CDKL4: variants seen among roughly 807,000 people sequenced by gnomAD.
The protein encoded by CDKL4 is cyclin-dependent kinase-like 4.
Under a neutral mutation model 42.0 loss-of-function variants are expected in CDKL4, and 44 were observed. The ratio of observed to expected loss-of-function variants is 1.05; its 90% CI spans 0.82 to 1.35. CDKL4 has a LOEUF of 1.35. Among genes scored for constraint, CDKL4 ranks in the 40% most tolerant of loss-of-function variants. CDKL4 has a pLI of 0.00. For synonymous variants in CDKL4, 120 were observed against 121.6 expected, an observed-to-expected ratio of 0.99 and a Z score of 0.09; for missense variants, 393 against 369.9, an observed-to-expected ratio of 1.06 and a Z score of -0.51.
intron 3 of CDKL4, among the ~76,000 whole-genome samples, chr2:39,221,242 C>T (rs1327341350): frequency 6.6e-6 from 1 of 150,550 alleles, no homozygotes; most frequent in South Asian, 2.1e-4. Flanking sequence ...CTCTTGATCT[C>T]GTGACCTTGT....
chr2:39,226,930 C>T (rs541499296), intron 2 of CDKL4, among the ~76,000 whole-genome samples: 2 of 152,252 alleles, frequency 1.3e-5, no homozygotes, highest in Admixed American at 6.5e-5. Flanking sequence ...CCACGCCTGG[C>T]TAATTTTTGT....
rs898013169 is a variant in CDKL4, at chr2:39,190,365, G to A, written c.592C>T (p.Gln198Ter). The A allele has an allele frequency of 1.9e-6, 3 of 1,614,082 alleles. No homozygotes were observed. Among genetic ancestry groups the A allele is most frequent in the East Asian group, 2.2e-5 (1 of 44,892 alleles). Residue 198 changes from glutamine (Q) to a stop codon, truncating the protein, a stop_gained, in exon 6 of 10, where the codon CAG (glutamine) becomes TAG (stop). Transcript: ENST00000451199. LOFTEE classifies it high-confidence loss of function. Reference sequence around the variant, plus strand: ...TCTGATTTTCCAGGCCACAGTGGCTGGCCTGTCAGGAGCTCTGCAAAAACA... The same window carrying A: ...TCTGATTTTCCAGGCCACAGTGGCTAGCCTGTCAGGAGCTCTGCAAAAACA...
rs918272013 is a variant in CDKL4, at chr2:39,233,554, T to C, written c.-56-3966A>G. ...AAAAAGTGTCATCAATGAAAGAAACTGCATTTTACTACAGTGACAGAAAAC... is the reference window on the plus strand; with the variant it reads ...AAAAAGTGTCATCAATGAAAGAAACCGCATTTTACTACAGTGACAGAAAAC... On this transcript the variant is annotated intron_variant, in intron 1 of 9. Coordinates refer to ENST00000451199, the Ensembl canonical transcript of CDKL4. 5.3e-4 allele frequency among the ~76,000 whole-genome samples: 80 copies of C among 152,222 alleles called. 2 individuals carry two copies. Among genetic ancestry groups the C allele is most frequent in the Non-Finnish European group, 7.1e-4 (48 of 68,008 alleles).
chr2:39,225,870 G>C (rs1170974218), exon 3 of CDKL4: 1 of 1,608,734 alleles, frequency 6.2e-7, no homozygotes, highest in Non-Finnish European at 8.5e-7. Context: ...TCATTTAAAA[G>C]TGTATGATCA....
rs1300600889 is a variant in CDKL4, at chr2:39,185,320, ATATATACACATATG to A, written c.736-687_736-674del. ...TATATACACATATGTATATATACAT[ATATATACACATATG>A]TATATATATACACATATGTATATAT... On this transcript the variant is annotated intron_variant, in intron 7 of 9. Transcript: ENST00000451199. 1.6e-4 allele frequency among the ~76,000 whole-genome samples: 16 copies of A among 99,642 alleles called. 1 individual carries two copies. Among genetic ancestry groups the A allele is most frequent in the Admixed American group, 3.5e-4 (3 of 8,554 alleles). The allele number at this position is 99,642 out of a possible 152,430, so 65.4% of individuals were successfully genotyped here. A position where few individuals can be genotyped will look rare whatever the true frequency, so the allele number is the denominator to read the frequency against.
At chr2:39,208,606 G>C (rs962377493) in intron 4 of CDKL4, among the ~76,000 whole-genome samples, 1 of 151,884 alleles carries the variant, frequency 6.6e-6, no homozygotes, top group South Asian at 2.1e-4. Context: ...GCCTCCCAAA[G>C]TGCTGGGATT....
intron 1 of CDKL4, among the ~76,000 whole-genome samples, chr2:39,240,183 G>A (rs1042154702): frequency 6.6e-6 from 1 of 151,924 alleles, no homozygotes; most frequent in African/African-American, 2.4e-5. Flanking sequence ...GCCGAGACAG[G>A]CGAATCACCT....
chr2:39,170,582 G>T, the CDKL4 span, among the ~76,000 whole-genome samples: 1 of 151,756 alleles, frequency 6.6e-6, no homozygotes, highest in African/African-American at 2.4e-5. Context: ...TCAGCCTCCC[G>T]AGTAGCTGGG....
chr2:39,204,139 T>C (rs1405161702), intron 5 of CDKL4, among the ~76,000 whole-genome samples: 1 of 152,208 alleles, frequency 6.6e-6, no homozygotes, highest in Non-Finnish European at 1.5e-5. Flanking sequence ...TCTGTGAAGT[T>C]TTTTTCAACC....
At chr2:39,196,267 T>G (rs1408327689) in intron 5 of CDKL4, among the ~76,000 whole-genome samples, 3 of 152,206 alleles carry the variant, frequency 2.0e-5, no homozygotes, top group East Asian at 3.8e-4. Context: ...AGAGTCCACT[T>G]CACTCCCCTG....
At chr2:39,237,300 C>T (rs999747501) in intron 1 of CDKL4, among the ~76,000 whole-genome samples, 2 of 152,022 alleles carry the variant, frequency 1.3e-5, no homozygotes, top group Non-Finnish European at 2.9e-5. Context: ...AAAAGAAAAA[C>T]ATCACATGAT....
chr2:39,206,526 G>C (rs1677203290), intron 4 of CDKL4, among the ~76,000 whole-genome samples: 1 of 152,184 alleles, frequency 6.6e-6, no homozygotes, highest in African/African-American at 2.4e-5. Flanking sequence ...CGCGCACATG[G>C]GCATTCCAGA....
At chr2:39,175,671 A>G in exon 10 of CDKL4, 1 of 180,996 alleles carries the variant, frequency 5.5e-6, no homozygotes. Flanking sequence ...AAGATGACAC[A>G]TGTAAATCTT....
intron 3 of CDKL4, among the ~76,000 whole-genome samples, chr2:39,222,344 C>A (rs532471827): frequency 2.6e-5 from 4 of 152,082 alleles, no homozygotes; most frequent in Non-Finnish European, 5.9e-5. Flanking sequence ...AATCCTAGCA[C>A]TTTGGGAGGC....
At chr2:39,179,100 G>T in intron 9 of CDKL4, 87 bp downstream of exon 9, 1 of 1,541,574 alleles carries the variant, frequency 6.5e-7, no homozygotes, top group Non-Finnish European at 8.7e-7. Context: ...AGGTCTTGGT[G>T]TCCACCTTGT....
chr2:39,176,553 C>A (rs966115278), intron 9 of CDKL4, among the ~76,000 whole-genome samples: 2 of 152,170 alleles, frequency 1.3e-5, no homozygotes, highest in African/African-American at 4.8e-5. Context: ...TGTGCCTCAG[C>A]CTCCCAAGTA....
Position 39,177,375 on chromosome 2 carries a change from C to A in CDKL4, c.928-1279G>T, listed in dbSNP as rs1675208622. Among the ~76,000 whole-genome samples, 3 of 150,784 alleles carry A rather than the reference C, an allele frequency of 2.0e-5. No homozygotes were observed. In the South Asian group the frequency reaches 6.2e-4, roughly 31 times the overall value. On this transcript the variant is annotated intron_variant, in intron 9 of 9. Transcript: ENST00000451199. Reference sequence around the variant, plus strand: ...GGGCAGCTGACACTGTGGACCCTCCCAGGCCAGTGTTGGGGGGAATCCAGT... The same window carrying A: ...GGGCAGCTGACACTGTGGACCCTCCAAGGCCAGTGTTGGGGGGAATCCAGT...
chr2:39,185,163 T>C (rs1365401943), intron 7 of CDKL4, among the ~76,000 whole-genome samples: 11 of 133,124 alleles, frequency 8.3e-5, no homozygotes, highest in African/African-American at 3.2e-4. Flanking sequence ...TATATACACA[T>C]ATGTATATAT....
chr2:39,187,006 T>C (rs1255377366), intron 7 of CDKL4, among the ~76,000 whole-genome samples: 1 of 152,198 alleles, frequency 6.6e-6, no homozygotes, highest in East Asian at 1.9e-4. Context: ...TGGCTCTGTG[T>C]CCCCACCCAA....
Sources: gnomAD v4.1 joint callset for allele counts (sites outside exome capture counted in the v4.1 genomes callset) on GRCh38, gnomAD v4.1.1 for gene constraint, MANE v1.5 for transcripts, NCBI Gene and HGNC (gene_info 2026-07-23, HGNC 2026-07-21) for gene names.